Variants in METTL8 observed in about 807,000 individuals in gnomAD.
METTL8 encodes methyltransferase 8, tRNA N3-cytidine.
A neutral mutation model predicts 48.7 loss-of-function variants in METTL8; 32 were observed. That is an observed-to-expected ratio of 0.66 (90% CI 0.50 to 0.88). The LOEUF (loss-of-function observed/expected upper bound fraction) is 0.88, where lower values mean the gene tolerates loss of function less well. METTL8 is among the 40% of genes least tolerant of loss of function. The pLI, the probability that METTL8 is intolerant of heterozygous loss-of-function variation, is 0.00. For synonymous variants in METTL8, 136 were observed against 157.1 expected, an observed-to-expected ratio of 0.87 and a Z score of 1.01; for missense variants, 464 against 474.4, an observed-to-expected ratio of 0.98 and a Z score of 0.20.
At chr2:171,406,543 G>A (rs1690197466) in intron 1 of METTL8, among the ~76,000 whole-genome samples, 1 of 152,204 alleles carries the variant, frequency 6.6e-6, no homozygotes, top group Non-Finnish European at 1.5e-5. Flanking sequence ...TGCATTCGCA[G>A]AGGGAGAGAT....
intron 3 of METTL8, among the ~76,000 whole-genome samples, chr2:171,352,070 C>T (rs182460674): frequency 2.6e-5 from 4 of 152,152 alleles, no homozygotes; most frequent in South Asian, 4.2e-4. Flanking sequence ...AGTTTCTGCC[C>T]GTACGTATGA....
At chr2:171,344,895 CAG>C (rs1295954224) in intron 3 of METTL8, among the ~76,000 whole-genome samples, 1 of 152,154 alleles carries the variant, frequency 6.6e-6, no homozygotes, top group African/African-American at 2.4e-5. Context: ...TCTGTGTTAA[CAG>C]GGGAATTGGA....
At chr2:171,366,095 G>C (rs556957249) in intron 2 of METTL8, among the ~76,000 whole-genome samples, 2 of 152,274 alleles carry the variant, frequency 1.3e-5, no homozygotes, top group South Asian at 2.1e-4. Flanking sequence ...TTTTCAGCTA[G>C]TGCTAGCTGC....
intron 3 of METTL8, among the ~76,000 whole-genome samples, chr2:171,343,454 T>C (rs1686979050): frequency 6.6e-6 from 1 of 150,518 alleles, no homozygotes; most frequent in African/African-American, 2.4e-5. Flanking sequence ...AATAAATAAA[T>C]AAATAAATAT....
At chr2:171,395,944 T>C (rs1160520427) in intron 1 of METTL8, among the ~76,000 whole-genome samples, 1 of 152,156 alleles carries the variant, frequency 6.6e-6, no homozygotes, top group Non-Finnish European at 1.5e-5. Flanking sequence ...AGGTAGACCA[T>C]ACGCTGGGCT....
In METTL8 at chr2:171,324,378, G is replaced by A; in HGVS notation, c.1034-16C>T. On this transcript the variant is annotated splice_polypyrimidine_tract_variant and intron_variant, in intron 9 of 9. Coordinates refer to ENST00000375258, the MANE Select transcript of METTL8 (RefSeq NM_001321154.2). ...TGGACTTCCCCTGTGAGACAAAAATGGCAATAAAAGATATGACATGTGACT... is the reference window on the plus strand; with the variant it reads ...TGGACTTCCCCTGTGAGACAAAAATAGCAATAAAAGATATGACATGTGACT... 6.5e-7 allele frequency: 1 copy of A among 1,548,790 alleles called. No individual in the cohort carries two copies.
chr2:171,410,627 T>C (rs990473323), intron 1 of METTL8, among the ~76,000 whole-genome samples: 1 of 152,250 alleles, frequency 6.6e-6, no homozygotes, highest in African/African-American at 2.4e-5. Flanking sequence ...TTTTTGAAAT[T>C]CCATTTTCAG....
chr2:171,406,523 A>G (rs557929392), intron 1 of METTL8, among the ~76,000 whole-genome samples: 1 of 152,306 alleles, frequency 6.6e-6, no homozygotes, highest in South Asian at 2.1e-4. Flanking sequence ...GTGTCCTCCA[A>G]TGGCCTCTGT....
intron 3 of METTL8, among the ~76,000 whole-genome samples, chr2:171,359,921 T>C (rs80164128): frequency 4.6e-5 from 7 of 152,306 alleles, no homozygotes; most frequent in African/African-American, 1.4e-4. Flanking sequence ...CATAGGCCAA[T>C]TTTTTAAAAG....
intron 2 of METTL8, among the ~76,000 whole-genome samples, chr2:171,376,966 C>G (rs924832032): frequency 6.6e-6 from 1 of 152,048 alleles, no homozygotes; most frequent in African/African-American, 2.4e-5. Flanking sequence ...CTTTAGTTAC[C>G]AAAACAGCAT....
At chr2:171,404,813 G>A (rs1030962681) in intron 1 of METTL8, among the ~76,000 whole-genome samples, 1 of 152,132 alleles carries the variant, frequency 6.6e-6, no homozygotes, top group African/African-American at 2.4e-5. Flanking sequence ...ATTGAGGATT[G>A]AGAACCACTC....
intron 1 of METTL8, among the ~76,000 whole-genome samples, chr2:171,426,442 C>T (rs1416793186): frequency 6.6e-6 from 1 of 152,050 alleles, no homozygotes; most frequent in African/African-American, 2.4e-5. Context: ...TAAGAGATGT[C>T]AAAGTTTTAG....
intron 1 of METTL8, among the ~76,000 whole-genome samples, chr2:171,417,825 T>A (rs1691467320): frequency 1.3e-5 from 2 of 152,260 alleles, no homozygotes; most frequent in African/African-American, 4.8e-5. Context: ...TTTATTATAA[T>A]TAACAACTCA....
At chr2:171,434,387 G>A (rs529221637), upstream of METTL8, 3 of 959,026 alleles carry the variant, frequency 3.1e-6, no homozygotes, top group Admixed American at 2.0e-5. Context: ...CGCTCTGGCG[G>A]TGCAAGCGGC....
At chr2:171,433,101 C>T (rs145953985) in intron 1 of METTL8, 27 of 152,282 alleles carry the variant, frequency 1.8e-4, no homozygotes, top group African/African-American at 6.5e-4. Flanking sequence ...GGAACCAACC[C>T]TTGGACACGA....
chr2:171,386,589 C>G (rs1386210175), intron 2 of METTL8, among the ~76,000 whole-genome samples: 1 of 152,096 alleles, frequency 6.6e-6, no homozygotes, highest in Non-Finnish European at 1.5e-5. Context: ...CACAGCGAAA[C>G]CTTGTCTCTA....
intron 3 of METTL8, among the ~76,000 whole-genome samples, chr2:171,356,899 A>G (rs946112079): frequency 6.6e-6 from 1 of 151,322 alleles, no homozygotes; most frequent in Non-Finnish European, 1.5e-5. Context: ...AAAGAAATAA[A>G]GGGCAGCTAA....
chr2:171,402,605 A>G (rs1421843305), intron 1 of METTL8, among the ~76,000 whole-genome samples: 3 of 152,168 alleles, frequency 2.0e-5, no homozygotes, highest in African/African-American at 2.4e-5. Context: ...GTATACATTC[A>G]TTAGTATACA....
intron 3 of METTL8, among the ~76,000 whole-genome samples, chr2:171,350,948 G>A (rs1236089688): frequency 6.6e-6 from 1 of 152,196 alleles, no homozygotes; most frequent in African/African-American, 2.4e-5. Flanking sequence ...CTTTTGCTGT[G>A]CAGAAGCTCT....
Sources: gnomAD v4.1 joint callset for allele counts (sites outside exome capture counted in the v4.1 genomes callset) on GRCh38, gnomAD v4.1.1 for gene constraint, MANE v1.5 for transcripts, NCBI Gene and HGNC (gene_info 2026-07-23, HGNC 2026-07-21) for gene names.